The following BMP2K variants were observed in gnomAD, a reference collection of about 807,000 sequenced individuals.
The protein encoded by BMP2K is BMP2 inducible kinase, also known as BMP-2-inducible protein kinase.
Under a neutral mutation model 116.0 loss-of-function variants are expected in BMP2K, and 74 were observed. The ratio of observed to expected loss-of-function variants is 0.64; its 90% confidence interval spans 0.53 to 0.77. BMP2K has a LOEUF of 0.77. Among genes scored for constraint, BMP2K ranks in the 30% least tolerant of loss-of-function variants. The pLI is 0.00. For synonymous variants in BMP2K, 486 were observed against 502.5 expected, an observed-to-expected ratio of 0.97 and a Z score of 0.44; for missense variants, 1,365 against 1,403.6, an observed-to-expected ratio of 0.97 and a Z score of 0.44.
At chr4:78,887,754 A>T (rs1733178227) in intron 15 of BMP2K, among the ~76,000 whole-genome samples, 1 of 152,154 alleles carries the variant, frequency 6.6e-6, no homozygotes, top group South Asian at 2.1e-4. Context: ...TCACTGTTAA[A>T]AATTTTCAGT....
chr4:78,806,015 A>AT (rs1184988833), intron 1 of BMP2K, among the ~76,000 whole-genome samples: 2 of 151,346 alleles, frequency 1.3e-5, no homozygotes, highest in Non-Finnish European at 3.0e-5. Context: ...TTTTTTTTTC[A>AT]TTTTTTTATG....
chr4:78,875,126 A>G (rs764831926), intron 13 of BMP2K, among the ~76,000 whole-genome samples: 12 of 152,226 alleles, frequency 7.9e-5, no homozygotes, highest in East Asian at 1.9e-4. Context: ...TGGTACGTCA[A>G]TGCTACTTCA....
At chr4:78,865,805 C>A in intron 10 of BMP2K, 85 bp downstream of exon 10, 1 of 1,350,192 alleles carries the variant, frequency 7.4e-7, no homozygotes, top group Non-Finnish European at 1.0e-6. Flanking sequence ...TCAGGTGATC[C>A]TTAATATTGT....
At chr4:78,845,655 G>T (rs370364589) in intron 5 of BMP2K, among the ~76,000 whole-genome samples, 1 of 151,596 alleles carries the variant, frequency 6.6e-6, no homozygotes, top group Non-Finnish European at 1.5e-5. Context: ...TTTAGAAAAT[G>T]GAACTATTTG....
At chr4:78,819,662 T>C (rs1729519953) in intron 1 of BMP2K, among the ~76,000 whole-genome samples, 1 of 152,178 alleles carries the variant, frequency 6.6e-6, no homozygotes, top group Non-Finnish European at 1.5e-5. Context: ...GGAGTTAGTA[T>C]TCACTTTTAT....
chr4:78,836,661 A>T (rs1730494377), intron 3 of BMP2K, among the ~76,000 whole-genome samples: 1 of 152,278 alleles, frequency 6.6e-6, no homozygotes, highest in East Asian at 1.9e-4. Flanking sequence ...GTTTTTCAGT[A>T]GCTTTCTGAC....
At chr4:78,827,414 A>G (rs982152086) in intron 2 of BMP2K, among the ~76,000 whole-genome samples, 21 of 152,154 alleles carry the variant, frequency 1.4e-4, no homozygotes, top group Admixed American at 2.6e-4. Flanking sequence ...AATCTCATCC[A>G]TAGCCATTGG....
chr4:78,846,459 C>A (rs1435839391), intron 5 of BMP2K, among the ~76,000 whole-genome samples: 1 of 151,538 alleles, frequency 6.6e-6, no homozygotes, highest in Non-Finnish European at 1.5e-5. Flanking sequence ...TGATGCAATC[C>A]AAATCTTAAA....
rs1730316411 is a variant in BMP2K, at chr4:78,833,597, C to G, written c.313C>G (p.His105Asp). ...TTCTTTCCAGAAAGAGCTATCTGGT[C>G]ACAAAAATATTGTGGGCTATTTGGA... ...EITIMKELSG[H>D]KNIVGYLDCA... The change falls in exon 3 of 16, where the codon CAC becomes GAC. Residue 105 changes from histidine to aspartate, a missense_variant. This residue lies in a region of BMP2K where 762 missense variants were observed against 756.7 expected (regional missense o/e 1.01). Coordinates refer to ENST00000502613, the MANE Select transcript of BMP2K (RefSeq NM_198892.2). 6.3e-7 allele frequency: 1 copy of G among 1,589,034 alleles called. No homozygotes were observed. Among genetic ancestry groups the G allele is most frequent in the African/African-American group, 1.4e-5 (1 of 73,162 alleles).
intron 1 of BMP2K, among the ~76,000 whole-genome samples, chr4:78,811,798 A>G (rs1010848569): frequency 2.0e-5 from 3 of 152,088 alleles, no homozygotes; most frequent in Non-Finnish European, 4.4e-5. Flanking sequence ...ACACAGCTTA[A>G]TTTGTTGACC....
At chr4:78,836,742 T>G in intron 3 of BMP2K, among the ~76,000 whole-genome samples, 1 of 152,206 alleles carries the variant, frequency 6.6e-6, no homozygotes, top group East Asian at 1.9e-4. Flanking sequence ...CCCACATTGA[T>G]TGTTACTTTG....
intron 1 of BMP2K, among the ~76,000 whole-genome samples, chr4:78,812,673 A>G (rs551023702): frequency 5.3e-5 from 8 of 152,320 alleles, no homozygotes; most frequent in African/African-American, 1.9e-4. Flanking sequence ...TGAAGGTATC[A>G]CCTGGCCCTT....
chr4:78,857,969 T>C (rs1392912584), intron 7 of BMP2K, among the ~76,000 whole-genome samples: 1 of 151,998 alleles, frequency 6.6e-6, no homozygotes, highest in Non-Finnish European at 1.5e-5. Flanking sequence ...CCTGTCCATC[T>C]CAACCCCCAA....
intron 15 of BMP2K, among the ~76,000 whole-genome samples, chr4:78,903,754 G>C (rs1032758973): frequency 6.6e-6 from 1 of 151,894 alleles, no homozygotes; most frequent in African/African-American, 2.4e-5. Context: ...TCTTCATCCT[G>C]TTCGTGGCTT....
intron 2 of BMP2K, among the ~76,000 whole-genome samples, chr4:78,827,039 A>C (rs186726085): frequency 2.6e-5 from 4 of 152,206 alleles, no homozygotes; most frequent in African/African-American, 9.7e-5. Context: ...TTCCCAGTGC[A>C]TACAAAAGTT....
At chr4:78,825,407 A>G (rs1729821101) in intron 1 of BMP2K, among the ~76,000 whole-genome samples, 1 of 152,146 alleles carries the variant, frequency 6.6e-6, no homozygotes, top group Non-Finnish European at 1.5e-5. Flanking sequence ...AGGGCTAAAC[A>G]TCATAGGCAA....
chr4:78,777,588 T>G (rs1727305769), intron 1 of BMP2K, among the ~76,000 whole-genome samples: 1 of 152,246 alleles, frequency 6.6e-6, no homozygotes, highest in South Asian at 2.1e-4. Flanking sequence ...CATGCTTCAT[T>G]GGCCTTTGAG....
At chr4:78,776,852 G>A in intron 1 of BMP2K, 131 bp downstream of exon 1, 1 of 940,682 alleles carries the variant, frequency 1.1e-6, no homozygotes, top group Non-Finnish European at 1.4e-6. Flanking sequence ...GCCAGCGGGG[G>A]CTCCTAAAGA....
intron 1 of BMP2K, among the ~76,000 whole-genome samples, chr4:78,784,240 A>C (rs1727635149): frequency 6.6e-6 from 1 of 152,226 alleles, no homozygotes; most frequent in Non-Finnish European, 1.5e-5. Flanking sequence ...TATCAAAATG[A>C]TTAAAGCCTT....
Sources: allele counts gnomAD v4.1 joint callset (sites outside exome capture counted in the v4.1 genomes callset), GRCh38; gene constraint gnomAD v4.1.1; regional missense constraint gnomAD v4.1.1; transcripts MANE v1.5; gene names NCBI Gene and HGNC (gene_info 2026-07-23, HGNC 2026-07-21).